APOL3: variants seen among roughly 807,000 people sequenced by gnomAD.
The protein encoded by APOL3 is apolipoprotein L3.
Under a neutral mutation model 11.6 loss-of-function variants are expected in APOL3, and 14 were observed. The ratio of observed to expected loss-of-function variants is 1.21; its 90% confidence interval spans 0.80 to 1.89. The LOEUF (loss-of-function observed/expected upper bound fraction) is 1.89. Ranked by LOEUF, APOL3 falls within the 40% of genes most tolerant of loss-of-function variation. The pLI is 0.00. For missense variants in APOL3, 483 were observed against 492.1 expected, an observed-to-expected ratio of 0.98 and a Z score of 0.17; for synonymous variants, 192 against 190.6, an observed-to-expected ratio of 1.01 and a Z score of -0.06.
intron 2 of APOL3, among the ~76,000 whole-genome samples, chr22:36,142,338 C>G (rs1199308625): frequency 6.6e-6 from 1 of 152,148 alleles, no homozygotes; most frequent in Non-Finnish European, 1.5e-5. Flanking sequence ...GATGGCTCCT[C>G]AAGCAAGAGA....
chr22:36,142,925 T>C (rs1447418445), intron 2 of APOL3, among the ~76,000 whole-genome samples: 1 of 152,206 alleles, frequency 6.6e-6, no homozygotes, highest in Non-Finnish European at 1.5e-5. Context: ...CCACTTGCTG[T>C]CTGAGCATTC....
intron 1 of APOL3, chr22:36,154,512 T>C (rs2012409081): frequency 7.8e-5 from 34 of 436,504 alleles, no homozygotes; most frequent in South Asian, 5.3e-4. Context: ...TTAATATAAA[T>C]GGATATTTTT....
At chr22:36,152,153 G>T (rs2011826139) in intron 1 of APOL3, among the ~76,000 whole-genome samples, 1 of 152,150 alleles carries the variant, frequency 6.6e-6, no homozygotes, top group Non-Finnish European at 1.5e-5. Context: ...GAATAAGAAG[G>T]AAAGGGCTCT....
intron 2 of APOL3, among the ~76,000 whole-genome samples, chr22:36,142,553 A>C (rs1302807703): frequency 6.6e-6 from 1 of 152,214 alleles, no homozygotes; most frequent in Non-Finnish European, 1.5e-5. Context: ...TGGTAGGAAC[A>C]TCTTTGTTTC....
exon 3 of APOL3, chr22:36,141,089 A>C (rs1026815354): frequency 4.7e-6 from 7 of 1,485,018 alleles, no homozygotes; most frequent in Non-Finnish European, 6.3e-6. Flanking sequence ...AGTCACTAAC[A>C]CTCAGCTCCA....
chr22:36,164,446 C>G (rs2013808797), upstream of APOL3: 1 of 152,220 alleles, frequency 6.6e-6, no homozygotes, highest in South Asian at 2.1e-4. Flanking sequence ...TGACTAAGCA[C>G]TCCTTTGTCT....
chr22:36,146,779 G>T lies in APOL3; in HGVS notation c.224-1180C>A, dbSNP rs374614875. ...AACCAATGAATATTCACCTTAAATG[G>T]GATACATAATATTATCAGTACAAAG... On this transcript the variant is annotated intron_variant, in intron 1 of 2. Transcript: ENST00000349314. 3.9e-5 allele frequency among the ~76,000 whole-genome samples: 6 copies of T among 151,930 alleles called. No homozygotes were observed. In the East Asian group the frequency reaches 9.6e-4, roughly 24 times the overall value.
At chr22:36,145,794 T>C (rs1181468878) in intron 1 of APOL3, among the ~76,000 whole-genome samples, 195 bp from the exon 3 acceptor site, 1 of 152,062 alleles carries the variant, frequency 6.6e-6, no homozygotes, top group Non-Finnish European at 1.5e-5. Flanking sequence ...CCAGTAACTA[T>C]ATTTGGAGAT....
At position 36,142,132 on chromosome 22, in the gene APOL3, C is replaced by A. The variant is rs1414791225; in HGVS notation, c.351-74G>T. 10 of 1,461,734 alleles carry A rather than the reference C, an allele frequency of 6.8e-6. No homozygotes were observed. In the East Asian group the frequency reaches 2.1e-4, roughly 30 times the overall value. 90.5% of individuals were successfully genotyped at this position (1,461,734 alleles called of 1,614,324 possible). A position where few individuals can be genotyped will look rare whatever the true frequency, so the allele number is the denominator to read the frequency against. The stretch of plus-strand genomic sequence containing the variant: ...TAAAATCAGCTCAATAAGATCTGTT[C>A]TACATAAATCACAGAGCTATTACTA... On this transcript the variant is annotated intron_variant, in intron 2 of 2. Coordinates refer to ENST00000349314, the Ensembl canonical transcript of APOL3.
At chr22:36,143,697 C>A (rs2060084459) in intron 2 of APOL3, among the ~76,000 whole-genome samples, 3 of 152,202 alleles carry the variant, frequency 2.0e-5, no homozygotes, top group Admixed American at 2.0e-4. Context: ...AACTCTCAAG[C>A]CACTTGACGG....
intron 1 of APOL3, among the ~76,000 whole-genome samples, chr22:36,160,213 G>T (rs1055460437): frequency 2.0e-5 from 3 of 152,070 alleles, no homozygotes; most frequent in African/African-American, 7.2e-5. Context: ...GAAATCCTCT[G>T]TCCCCATCGG....
intron 1 of APOL3, among the ~76,000 whole-genome samples, chr22:36,150,138 G>T (rs1379895679): frequency 6.6e-6 from 1 of 152,054 alleles, no homozygotes; most frequent in Non-Finnish European, 1.5e-5. Flanking sequence ...TTTATACAGA[G>T]AAACACTCTT....
chr22:36,151,662 A>C (rs1375985669), intron 1 of APOL3, among the ~76,000 whole-genome samples: 3 of 152,250 alleles, frequency 2.0e-5, no homozygotes, highest in Non-Finnish European at 4.4e-5. Flanking sequence ...ATTACATAGA[A>C]AGCTACTTGA....
intron 1 of APOL3, among the ~76,000 whole-genome samples, chr22:36,153,026 G>A (rs149154873): frequency 3.6e-4 from 55 of 152,152 alleles, no homozygotes; most frequent in African/African-American, 1.1e-3. Flanking sequence ...CAGGAGAATC[G>A]CTTGAACCCA....
intron 1 of APOL3, chr22:36,153,528 C>A (rs1569529590): frequency 2.5e-6 from 1 of 401,950 alleles, no homozygotes; most frequent in Non-Finnish European, 5.1e-6. Flanking sequence ...TCCAGTGGCA[C>A]CTTGCCACTC....
At chr22:36,160,577 C>G in intron 1 of APOL3, 92 bp downstream of exon 1, 2 of 1,373,916 alleles carry the variant, frequency 1.5e-6, no homozygotes, top group Admixed American at 3.5e-5. Flanking sequence ...CCTAACCTCT[C>G]TGAGCTCATC....
intron 2 of APOL3, 72 bp downstream of exon 3, chr22:36,145,401 A>G: frequency 1.3e-6 from 2 of 1,555,992 alleles, no homozygotes. Context: ...TGCCTGCCAG[A>G]GAAAACTAGC....
chr22:36,145,628 G>A, intron 1 of APOL3, 29 bp from the exon 3 acceptor site: 3 of 1,611,266 alleles, frequency 1.9e-6, no homozygotes, highest in Non-Finnish European at 2.5e-6. Context: ...CATAAGATTG[G>A]AAGAAAGTGT....
upstream of APOL3, among the ~76,000 whole-genome samples, chr22:36,162,109 A>G (rs1309161539): frequency 6.6e-6 from 1 of 152,160 alleles, no homozygotes; most frequent in African/African-American, 2.4e-5. Context: ...GTTGGTCACA[A>G]TCCCTTTGGC....
Sources: allele counts gnomAD v4.1 joint callset (sites outside exome capture counted in the v4.1 genomes callset), GRCh38; gene constraint gnomAD v4.1.1; transcripts MANE v1.5; gene names NCBI Gene and HGNC (gene_info 2026-07-23, HGNC 2026-07-21).